GPCPD1: variants seen among roughly 807,000 people sequenced by gnomAD.
GPCPD1 encodes the protein glycerophosphocholine phosphodiesterase GPCPD1.
Under a neutral mutation model 89.2 loss-of-function variants are expected in GPCPD1, and 29 were observed. The ratio of observed to expected loss-of-function variants is 0.33; its 90% CI spans 0.24 to 0.44. The LOEUF (loss-of-function observed/expected upper bound fraction) is 0.44, where lower values mean the gene tolerates loss of function less well. Among genes scored for constraint, GPCPD1 ranks in the 20% least tolerant of loss-of-function variants. The pLI, the probability that GPCPD1 is intolerant of heterozygous loss-of-function variation, is 1.00. For synonymous variants in GPCPD1, 258 were observed against 266.3 expected, an observed-to-expected ratio of 0.97 and a Z score of 0.30; for missense variants, 594 against 808.9, an observed-to-expected ratio of 0.73 and a Z score of 3.22.
At chr20:5,588,627 C>T (rs1979101767) in intron 4 of GPCPD1, among the ~76,000 whole-genome samples, 2 of 151,936 alleles carry the variant, frequency 1.3e-5, no homozygotes, top group African/African-American at 2.4e-5. Flanking sequence ...GAGTTCGAGA[C>T]CAACCTGGCC....
At chr20:5,607,218 C>CAG (rs903305996) in intron 1 of GPCPD1, among the ~76,000 whole-genome samples, 1 of 151,964 alleles carries the variant, frequency 6.6e-6, no homozygotes, top group Non-Finnish European at 1.5e-5. Context: ...ACCTGGGAGG[C>CAG]AGAAGTTGCA....
chr20:5,569,439 T>C (rs920199445), intron 12 of GPCPD1, among the ~76,000 whole-genome samples: 6 of 152,252 alleles, frequency 3.9e-5, no homozygotes, highest in African/African-American at 1.2e-4. Context: ...ATGATTATGT[T>C]TGTACAAAAA....
chr20:5,591,811 ACT>A (rs1330423584), intron 4 of GPCPD1, among the ~76,000 whole-genome samples: 1 of 152,182 alleles, frequency 6.6e-6, no homozygotes, highest in African/African-American at 2.4e-5. Flanking sequence ...GTAGCTATTT[ACT>A]CGATTCCATG....
intron 4 of GPCPD1, among the ~76,000 whole-genome samples, chr20:5,588,916 T>C (rs1283890388): frequency 6.6e-6 from 1 of 152,170 alleles, no homozygotes; most frequent in East Asian, 1.9e-4. Context: ...GCAGACTGTT[T>C]GTTTTGTTTT....
At chr20:5,553,953 A>C (rs1427378642) in intron 19 of GPCPD1, among the ~76,000 whole-genome samples, 2 of 139,432 alleles carry the variant, frequency 1.4e-5, no homozygotes, top group African/African-American at 5.6e-5. Context: ...CAAAGTGGCT[A>C]CATTGAACAA....
intron 8 of GPCPD1, 107 bp downstream of exon 8, chr20:5,578,273 A>C: frequency 2.8e-6 from 2 of 721,344 alleles, no homozygotes. Flanking sequence ...CATACCTCTA[A>C]AAAGTTAGCT....
chr20:5,605,187 A>C (rs1316209231), intron 1 of GPCPD1, among the ~76,000 whole-genome samples: 6 of 152,198 alleles, frequency 3.9e-5, no homozygotes, highest in Admixed American at 1.3e-4. Flanking sequence ...CGAAATACAC[A>C]CTGTAAAACA....
intron 15 of GPCPD1, among the ~76,000 whole-genome samples, chr20:5,562,116 CTT>C (rs945775058): frequency 1.1e-4 from 16 of 152,138 alleles, no homozygotes; most frequent in African/African-American, 3.4e-4. Context: ...TATCTAGACA[CTT>C]TGCCATCAGA....
In GPCPD1 at chr20:5,554,988, G is replaced by A. The variant is rs1568642093; in HGVS notation, c.1829+2957C>T. 2.0e-5 allele frequency among the ~76,000 whole-genome samples: 3 copies of A among 152,256 alleles called. No individual in the cohort carries two copies. In the South Asian group the frequency reaches 6.2e-4, roughly 32 times the overall value. On this transcript the variant is annotated intron_variant, in intron 19 of 19. Coordinates refer to ENST00000379019, the MANE Select transcript of GPCPD1 (RefSeq NM_019593.5). ...TGGAAGAAGTCACTGCAGATGTGGT[G>A]GAAATAGAAAGAGACCTAGAAATAG...
At chr20:5,575,384 T>C in intron 10 of GPCPD1, 29 bp downstream of exon 10, 1 of 1,553,108 alleles carries the variant, frequency 6.4e-7, no homozygotes, top group Non-Finnish European at 8.8e-7. Context: ...CTACACCAAA[T>C]GCTAATCCTA....
chr20:5,604,478 T>C, intron 1 of GPCPD1, 38 bp from the exon 2 acceptor site: 1 of 934,562 alleles, frequency 1.1e-6, no homozygotes. Context: ...AGTATAAAAA[T>C]ATATGCCTTA....
At chr20:5,557,787 A>C (rs1347813537) in intron 19 of GPCPD1, among the ~76,000 whole-genome samples, 158 bp downstream of exon 19, 1 of 152,214 alleles carries the variant, frequency 6.6e-6, no homozygotes, top group Non-Finnish European at 1.5e-5. Flanking sequence ...TGATTCTGCT[A>C]TCCTTCAAAC....
chr20:5,579,977 TA>T (rs1235344123), intron 7 of GPCPD1, 30 bp downstream of exon 7: 1 of 1,422,534 alleles, frequency 7.0e-7, no homozygotes, highest in Non-Finnish European at 9.8e-7. Context: ...TGAAAACAAA[TA>T]GCCTAAGTAA....
intron 11 of GPCPD1, among the ~76,000 whole-genome samples, 187 bp from the exon 12 acceptor site, chr20:5,570,426 C>CTGAAA: frequency 1.2e-5 from 1 of 86,048 alleles, no homozygotes; most frequent in Non-Finnish European, 2.2e-5. Context: ...TTTTTCCTGG[C>CTGAAA]AAAAAAAAAA....
chr20:5,552,176 A>G lies in GPCPD1; in HGVS notation c.1830-4326T>C, dbSNP rs558836891. 2.6e-5 allele frequency among the ~76,000 whole-genome samples: 4 copies of G among 152,308 alleles called. No homozygotes were observed. In the South Asian group the frequency reaches 8.3e-4, roughly 32 times the overall value. ...CATGCTTTTTTGAATAAAATTAAAAAAAAATGTTGAGGGTAAAAACCAACT... is the reference window on the plus strand; with the variant it reads ...CATGCTTTTTTGAATAAAATTAAAAGAAAATGTTGAGGGTAAAAACCAACT... On this transcript the variant is annotated intron_variant, in intron 19 of 19. Transcript: ENST00000379019.
Position 5,610,868 on chromosome 20 carries a change from G to C in GPCPD1, c.-55C>G, listed in dbSNP as rs1319785126. 1 of 151,558 alleles carries C rather than the reference G, an allele frequency of 6.6e-6. No homozygotes were observed. The highest frequency in any genetic ancestry group is 1.5e-5 in the Non-Finnish European group (1 of 67,894). The allele number at this position is 151,558 out of a possible 1,614,324, so 9.4% of individuals were successfully genotyped here. ...TCCGGGTTCGCTAGTCCGCAGGTCC[G>C]CGTCGCCGCCGCCCCGCCCGAGAGC... On this transcript the variant is annotated 5_prime_UTR_variant, in exon 1 of 20. Transcript: ENST00000379019.
chr20:5,578,280 AG>A, intron 8 of GPCPD1, 99 bp downstream of exon 8: 1 of 753,614 alleles, frequency 1.3e-6, no homozygotes, highest in Non-Finnish European at 2.3e-6. Flanking sequence ...CTAAAAAGTT[AG>A]CTTTACACAA....
Position 5,578,538 on chromosome 20 carries a change from A to C in GPCPD1, c.547T>G (p.Ser183Ala), listed in dbSNP as rs771386364. The C allele has an allele frequency of 6.2e-7, 1 of 1,613,842 alleles. No individual in the cohort carries two copies. Among genetic ancestry groups the C allele is most frequent in the Admixed American group, 1.7e-5 (1 of 60,024 alleles). ...RVSPTVLHKM[S>A]NSLEISLISD... ...ATTAAGGATATCTCCAAGCTATTGG[A>C]CATTTTGTGGAGTACAGTGGGAGAT... Residue 183 changes from serine to alanine, a missense_variant, in exon 8 of 20, where the codon TCC (serine) becomes GCC (alanine). Transcript: ENST00000379019.
intron 3 of GPCPD1, among the ~76,000 whole-genome samples, chr20:5,594,610 T>C (rs78768725): frequency 6.6e-6 from 1 of 152,304 alleles, no homozygotes; most frequent in East Asian, 1.9e-4. Flanking sequence ...GTAACTTTTA[T>C]AAACACTTTG....
Sources: gnomAD v4.1 joint callset for allele counts (sites outside exome capture counted in the v4.1 genomes callset) on GRCh38, gnomAD v4.1.1 for gene constraint, MANE v1.5 for transcripts, NCBI Gene and HGNC (gene_info 2026-07-23, HGNC 2026-07-21) for gene names.